Variants in EPS15 observed in about 807,000 individuals in gnomAD.
EPS15 encodes epidermal growth factor receptor substrate 15.
A neutral mutation model predicts 113.8 loss-of-function variants in EPS15; 72 were observed. That is an observed-to-expected ratio of 0.63 (90% CI 0.52 to 0.77). The LOEUF (loss-of-function observed/expected upper bound fraction) is 0.77. Ranked by LOEUF, EPS15 falls within the 30% of genes least tolerant of loss-of-function variation. EPS15 has a pLI of 0.00. For synonymous variants in EPS15, 344 were observed against 363.4 expected, an observed-to-expected ratio of 0.95 and a Z score of 0.61; for missense variants, 1,048 against 1,045.8, an observed-to-expected ratio of 1.00 and a Z score of -0.03.
At chr1:51,486,189 G>A (rs1329212680) in intron 1 of EPS15, among the ~76,000 whole-genome samples, 3 of 151,502 alleles carry the variant, frequency 2.0e-5, no homozygotes, top group African/African-American at 4.8e-5. Context: ...AGGCCAAGGC[G>A]GGTGGATCAC....
chr1:51,386,876 C>A (rs1647091987), intron 21 of EPS15, among the ~76,000 whole-genome samples: 1 of 152,102 alleles, frequency 6.6e-6, no homozygotes, highest in Non-Finnish European at 1.5e-5. Context: ...GAGAATGGAA[C>A]CAAGTTGGAA....
Position 51,378,103 on chromosome 1 carries a change from C to T in EPS15, c.2120-12074G>A, listed in dbSNP as rs540310038. On this transcript the variant is annotated intron_variant, in intron 21 of 24. Transcript: ENST00000371733. Reference sequence around the variant, plus strand: ...GTAGAGACGTGGTTTCACCATGTTGCGCAGGCTGGTCTTGAACTCCTGACC... The same window carrying T: ...GTAGAGACGTGGTTTCACCATGTTGTGCAGGCTGGTCTTGAACTCCTGACC... 1.7e-4 allele frequency among the ~76,000 whole-genome samples: 26 copies of T among 151,962 alleles called. No homozygotes were observed. The East Asian group carries it at 4.6e-3, about 27-fold the overall frequency.
intron 21 of EPS15, among the ~76,000 whole-genome samples, chr1:51,387,566 A>G (rs1056159085): frequency 6.6e-6 from 1 of 152,222 alleles, no homozygotes; most frequent in Non-Finnish European, 1.5e-5. Flanking sequence ...TGCTGTATTC[A>G]GGAAACCCAT....
chr1:51,408,354 G>A, intron 14 of EPS15, 22 bp from the exon 15 acceptor site: 2 of 1,519,648 alleles, frequency 1.3e-6, no homozygotes, highest in Non-Finnish European at 1.8e-6. Context: ...AAGTGAATGA[G>A]AAGAAATGGG....
intron 11 of EPS15, among the ~76,000 whole-genome samples, chr1:51,443,292 T>C (rs1050142525): frequency 6.8e-6 from 1 of 146,212 alleles, no homozygotes; most frequent in East Asian, 2.0e-4. Context: ...GGTTATAAAA[T>C]GAAGAAGGCA....
chr1:51,450,908 T>TA (rs1009767311), intron 8 of EPS15, among the ~76,000 whole-genome samples: 3 of 151,952 alleles, frequency 2.0e-5, no homozygotes, highest in African/African-American at 7.3e-5. Context: ...TATAAAGCAT[T>TA]AAAAAAATCA....
chr1:51,383,820 T>C (rs1416681710), intron 21 of EPS15, among the ~76,000 whole-genome samples: 8 of 152,206 alleles, frequency 5.3e-5, no homozygotes, highest in African/African-American at 1.9e-4. Flanking sequence ...GCAAATAACA[T>C]GCTCTTATAT....
intron 21 of EPS15, among the ~76,000 whole-genome samples, chr1:51,370,749 T>C (rs1646628311): frequency 6.6e-6 from 1 of 150,682 alleles, no homozygotes; most frequent in African/African-American, 2.5e-5. Flanking sequence ...GCCTCCTGAG[T>C]AGCTAAGATT....
At chr1:51,410,248 G>A (rs1380156811) in intron 13 of EPS15, among the ~76,000 whole-genome samples, 1 of 151,446 alleles carries the variant, frequency 6.6e-6, no homozygotes, top group Non-Finnish European at 1.5e-5. Context: ...AAAATTAGCT[G>A]GACGTGGTAG....
Position 51,461,125 on chromosome 1 carries a change from T to C in EPS15, c.527A>G (p.His176Arg), listed in dbSNP as rs745395345. 6.2e-7 allele frequency: 1 copy of C among 1,604,366 alleles called. No homozygotes were observed. The highest frequency in any genetic ancestry group is 2.2e-5 in the East Asian group (1 of 44,826). The change falls in exon 8 of 25, where the codon CAT becomes CGT. Residue 176 changes from histidine (H) to arginine (R), a missense_variant. By Grantham distance (29) the His-to-Arg change is conservative. Transcript: ENST00000371733. ...GRVWELSDIDHDGMLDRDEFA... is the reference protein window; with the variant it reads ...GRVWELSDIDRDGMLDRDEFA... ...CTCATCTCTGTCAAGCATTCCATCA[T>C]GGTCAATATCACTCAACTCCCAAAC...
At chr1:51,427,545 T>C (rs184376478) in intron 12 of EPS15, among the ~76,000 whole-genome samples, 221 of 152,252 alleles carry the variant, frequency 1.5e-3, no homozygotes, top group Non-Finnish European at 2.8e-3. Context: ...TAAGGTGCTA[T>C]TGGAACACAG....
intron 2 of EPS15, among the ~76,000 whole-genome samples, chr1:51,477,180 T>C (rs1356447388): frequency 1.3e-5 from 2 of 152,076 alleles, no homozygotes; most frequent in Non-Finnish European, 2.9e-5. Context: ...GGTTTAGTCT[T>C]GGGAGGGTGT....
At chr1:51,437,317 T>A (rs547486050) in intron 12 of EPS15, among the ~76,000 whole-genome samples, 65 of 152,134 alleles carry the variant, frequency 4.3e-4, no homozygotes, top group Non-Finnish European at 8.4e-4. Flanking sequence ...CTAAGAAATA[T>A]ATTCCTTTTT....
chr1:51,501,675 C>T (rs1305596243), intron 1 of EPS15, among the ~76,000 whole-genome samples: 3 of 151,918 alleles, frequency 2.0e-5, no homozygotes, highest in South Asian at 2.1e-4. Context: ...GATGGGGTTT[C>T]GCCTCGTTGG....
At chr1:51,412,146 G>A (rs978672390) in intron 13 of EPS15, among the ~76,000 whole-genome samples, 1 of 152,158 alleles carries the variant, frequency 6.6e-6, no homozygotes, top group Admixed American at 6.5e-5. Flanking sequence ...TCATAAGTGG[G>A]AGCTGAACAA....
At chr1:51,460,206 C>A (rs1356873199) in intron 8 of EPS15, among the ~76,000 whole-genome samples, 1 of 151,834 alleles carries the variant, frequency 6.6e-6, no homozygotes, top group Non-Finnish European at 1.5e-5. Flanking sequence ...TAATTCCTTA[C>A]CAAAATAAAA....
At chr1:51,409,509 G>A (rs1312422110) in intron 14 of EPS15, 26 bp downstream of exon 14, 1 of 1,592,392 alleles carries the variant, frequency 6.3e-7, no homozygotes, top group African/African-American at 1.4e-5. Context: ...TATAGGTGCA[G>A]GCAGCAGGAA....
chr1:51,454,662 C>A (rs1290476553), intron 8 of EPS15, among the ~76,000 whole-genome samples: 4 of 152,144 alleles, frequency 2.6e-5, no homozygotes, highest in Non-Finnish European at 5.9e-5. Flanking sequence ...CAAGGCAAGA[C>A]TGACAAACTC....
chr1:51,361,201 A>G lies in EPS15; in HGVS notation c.2514T>C (p.Ala838=). 3.7e-6 allele frequency: 6 copies of G among 1,614,104 alleles called. No homozygotes were observed. The highest frequency in any genetic ancestry group is 5.1e-6 in the Non-Finnish European group (6 of 1,179,950). ...TGAAGTTGGCAAAATTGCTTGGATC[A>G]GCCTCTTTATTGGTAGTGGTAGTAG... ...TSATTTTNKE[A]DPSNFANFSA... The change falls in exon 24 of 25, where the codon GCT becomes GCC. Residue 838 remains alanine, a synonymous_variant. Coordinates refer to ENST00000371733, the MANE Select transcript of EPS15 (RefSeq NM_001981.3).
Sources: gnomAD v4.1 joint callset for allele counts (sites outside exome capture counted in the v4.1 genomes callset) on GRCh38, gnomAD v4.1.1 for gene constraint, MANE v1.5 for transcripts, NCBI Gene and HGNC (gene_info 2026-07-23, HGNC 2026-07-21) for gene names.